The following CSMD1 variants were observed in gnomAD, a reference collection of about 807,000 sequenced individuals.
CSMD1 encodes the protein CUB and sushi domain-containing protein 1.
In CSMD1, 213 loss-of-function variants were observed where a neutral mutation model predicts 417.5. The ratio of observed to expected loss-of-function variants is 0.51; its 90% CI spans 0.46 to 0.57. CSMD1 has a LOEUF of 0.57. Among genes scored for constraint, CSMD1 ranks in the 20% least tolerant of loss-of-function variants. The pLI, the probability that CSMD1 is intolerant of heterozygous loss-of-function variation, is 0.00. For synonymous variants in CSMD1, 2,862 were observed against 1,736.8 expected (o/e 1.65, Z -16.11); for missense variants, 6,923 against 4,529.7 (o/e 1.53, Z -15.17).
intron 3 of CSMD1, among the ~76,000 whole-genome samples, chr8:4,395,969 T>C (rs932841474): frequency 2.6e-5 from 4 of 152,330 alleles, no homozygotes; most frequent in South Asian, 2.1e-4. Context: ...TAACTTTAGA[T>C]AAATATATTC....
In CSMD1 at chr8:4,637,443, G is replaced by T. The variant is rs779817692; in HGVS notation, c.201C>A (p.Arg67=). 1.2e-6 allele frequency: 2 copies of T among 1,613,718 alleles called. No homozygotes were observed. The highest frequency in any genetic ancestry group is 3.3e-5 in the Admixed American group (2 of 59,992). The change falls in exon 2 of 70, where the codon CGC becomes CGA. Residue 67 remains arginine (R), a synonymous_variant. Transcript: ENST00000635120. ...TATGGAAGGACAACTGTATCCTATTGCGCTCGCCCGTGATGATGATCCAGG... is the reference window on the plus strand; with the variant it reads ...TATGGAAGGACAACTGTATCCTATTTCGCTCGCCCGTGATGATGATCCAGG... The part of the protein sequence containing the change: ...NCTWIIITGE[R]NRIQLSFHTF...
In CSMD1 at chr8:3,616,663, T is replaced by A. The variant is rs773500059; in HGVS notation, c.1097+47A>T. On this transcript the variant is annotated intron_variant, in intron 8 of 69. Transcript: ENST00000635120. ...TTTAACTGCAAGCTGAAATAATATATGTCTTAAAAATAACATGCTTTTTTC... is the reference window on the plus strand; with the variant it reads ...TTTAACTGCAAGCTGAAATAATATAAGTCTTAAAAATAACATGCTTTTTTC... 9.1e-6 allele frequency: 11 copies of A among 1,205,994 alleles called. No homozygotes were observed. The African/African-American group carries it at 1.3e-4, about 15-fold the overall frequency. 74.7% of individuals were successfully genotyped at this position (1,205,994 alleles called of 1,614,324 possible).
intron 3 of CSMD1, among the ~76,000 whole-genome samples, chr8:4,200,341 G>C (rs995618141): frequency 6.6e-6 from 1 of 152,126 alleles, no homozygotes. Flanking sequence ...TGTGTTTAGA[G>C]TCTGCTTAGC....
At chr8:2,939,150 G>C (rs889910395) in intron 69 of CSMD1, among the ~76,000 whole-genome samples, 1 of 152,118 alleles carries the variant, frequency 6.6e-6, no homozygotes, top group Non-Finnish European at 1.5e-5. Context: ...AAATCGGGAA[G>C]GTCCCAAAGG....
chr8:3,797,047 G>C (rs367931549), intron 5 of CSMD1, among the ~76,000 whole-genome samples: 1 of 151,832 alleles, frequency 6.6e-6, no homozygotes, highest in African/African-American at 2.4e-5. Context: ...CAGCACATAC[G>C]TGGTAGGGCA....
intron 3 of CSMD1, among the ~76,000 whole-genome samples, chr8:4,291,657 T>C (rs963622476): frequency 1.3e-5 from 2 of 152,196 alleles, no homozygotes; most frequent in African/African-American, 4.8e-5. Flanking sequence ...ATGGAGAACA[T>C]TTCCTACCAG....
Position 3,634,237 on chromosome 8 carries a change from G to C in CSMD1, c.1010-17440C>G, listed in dbSNP as rs146524152. Among the ~76,000 whole-genome samples, 3 of 152,318 alleles carry C rather than the reference G, an allele frequency of 2.0e-5. No homozygotes were observed. In the East Asian group the frequency reaches 5.8e-4, roughly 29 times the overall value. On this transcript the variant is annotated intron_variant, in intron 7 of 69. Coordinates refer to ENST00000635120, the MANE Select transcript of CSMD1 (RefSeq NM_033225.6). ...AGTCTATGTGTTCACGTGATTAATG[G>C]TGGGGGCCTTTGGCCACTTGGTCCA...
intron 2 of CSMD1, among the ~76,000 whole-genome samples, chr8:4,559,233 TG>T (rs1160719249): frequency 2.1e-5 from 3 of 144,358 alleles, no homozygotes; most frequent in African/African-American, 8.8e-5. Flanking sequence ...AAACTTAAAA[TG>T]TTGGATAAAC....
chr8:3,538,933 G>A (rs1051278223), intron 10 of CSMD1, among the ~76,000 whole-genome samples: 3 of 152,184 alleles, frequency 2.0e-5, no homozygotes, highest in Non-Finnish European at 4.4e-5. Flanking sequence ...CCAGAGCAAC[G>A]TTTGTGAGAC....
At position 4,185,833 on chromosome 8, in the gene CSMD1, A is replaced by G. The variant is rs150240398; in HGVS notation, c.416-153734T>C. Among the ~76,000 whole-genome samples the G allele has an allele frequency of 3.3e-5, 5 of 152,330 alleles. No homozygotes were observed. In the East Asian group the frequency reaches 9.7e-4, roughly 29 times the overall value. Reference sequence around the variant, plus strand: ...GCCAGAGTCAGAAAGTGCCCTGCATAAGCATGCAATGAACAGAGCAACCGT... The same window carrying G: ...GCCAGAGTCAGAAAGTGCCCTGCATGAGCATGCAATGAACAGAGCAACCGT... On this transcript the variant is annotated intron_variant, in intron 3 of 69. Coordinates refer to ENST00000635120, the MANE Select transcript of CSMD1 (RefSeq NM_033225.6).
At chr8:3,881,656 A>C (rs2688290) in intron 5 of CSMD1, among the ~76,000 whole-genome samples, 4,903 of 151,308 alleles carry the variant, frequency 0.032, 278 homozygotes, top group African/African-American at 0.11. Context: ...ACAAAAACCA[A>C]CAACAACAAA....
chr8:3,612,493 C>T (rs77859442), intron 8 of CSMD1, among the ~76,000 whole-genome samples: 1 of 152,100 alleles, frequency 6.6e-6, no homozygotes, highest in African/African-American at 2.4e-5. Flanking sequence ...CCCAACAACA[C>T]TAAAATATGT....
At chr8:4,197,123 A>C (rs1173681721) in intron 3 of CSMD1, among the ~76,000 whole-genome samples, 2 of 152,202 alleles carry the variant, frequency 1.3e-5, no homozygotes, top group African/African-American at 2.4e-5. Context: ...GTCCTCAAGC[A>C]GTTCCCAGAC....
At chr8:3,693,268 A>T (rs1233139868) in intron 7 of CSMD1, among the ~76,000 whole-genome samples, 1 of 152,230 alleles carries the variant, frequency 6.6e-6, no homozygotes, top group African/African-American at 2.4e-5. Context: ...GTAGGATGCA[A>T]GGTCACTTAT....
Position 4,579,040 on chromosome 8 carries a change from G to A in CSMD1, c.302+58302C>T, listed in dbSNP as rs565283753. Among the ~76,000 whole-genome samples the A allele has an allele frequency of 2.0e-5, 3 of 151,754 alleles. No individual in the cohort carries two copies. In the South Asian group the frequency reaches 6.2e-4, roughly 32 times the overall value. ...TTTATCACATAAAGGCACAATGTTA[G>A]ACACTGCAAAAGATATCTTTCTGCA... On this transcript the variant is annotated intron_variant, in intron 2 of 69. Transcript: ENST00000635120.
intron 11 of CSMD1, among the ~76,000 whole-genome samples, chr8:3,486,428 T>G (rs567978498): frequency 6.6e-6 from 1 of 152,328 alleles, no homozygotes; most frequent in East Asian, 1.9e-4. Flanking sequence ...TTATTTGAGA[T>G]GAAAAACAAA....
intron 3 of CSMD1, among the ~76,000 whole-genome samples, chr8:4,097,679 G>A (rs962020940): frequency 1.3e-5 from 2 of 152,182 alleles, no homozygotes; most frequent in African/African-American, 4.8e-5. Flanking sequence ...TTAAGACAGT[G>A]AATTTTAGCC....
At position 3,437,873 on chromosome 8, in the gene CSMD1, G is replaced by T. The variant is rs924503588; in HGVS notation, c.1562-28268C>A. Among the ~76,000 whole-genome samples, 4 of 151,742 alleles carry T rather than the reference G, an allele frequency of 2.6e-5. No homozygotes were observed. In the East Asian group the frequency reaches 7.8e-4, roughly 29 times the overall value. ...AGCAATTCTCTTGTTTCAGCCACCC[G>T]AGTAGCTGGGATTACAGGTGTGTGT... On this transcript the variant is annotated intron_variant, in intron 12 of 69. Coordinates refer to ENST00000635120, the MANE Select transcript of CSMD1 (RefSeq NM_033225.6).
chr8:4,123,935 G>A (rs947491348), intron 3 of CSMD1, among the ~76,000 whole-genome samples: 1 of 152,054 alleles, frequency 6.6e-6, no homozygotes, highest in South Asian at 2.1e-4. Context: ...TTTCTTATTT[G>A]TCAATTACAA....
Sources: allele counts gnomAD v4.1 joint callset (sites outside exome capture counted in the v4.1 genomes callset), GRCh38; gene constraint gnomAD v4.1.1; transcripts MANE v1.5; gene names NCBI Gene and HGNC (gene_info 2026-07-23, HGNC 2026-07-21).